Variants in SYNE2 observed in about 807,000 individuals in gnomAD.
The protein encoded by SYNE2 is spectrin repeat containing nuclear envelope protein 2.
A neutral mutation model predicts 856.3 loss-of-function variants in SYNE2; 431 were observed. That is an observed-to-expected ratio of 0.50 (90% CI 0.47 to 0.55). The LOEUF is 0.55. SYNE2 is among the 20% of genes least tolerant of loss of function. The pLI, the probability that SYNE2 is intolerant of heterozygous loss-of-function variation, is 0.00. For synonymous variants in SYNE2, 2,923 were observed against 2,872.3 expected (o/e 1.02, Z -0.56); for missense variants, 8,129 against 8,023.2 (o/e 1.01, Z -0.50).
intron 2 of SYNE2, among the ~76,000 whole-genome samples, chr14:63,926,827 A>G (rs924846703): frequency 2.0e-5 from 3 of 152,238 alleles, no homozygotes; most frequent in Non-Finnish European, 2.9e-5. Flanking sequence ...TAAGTGCTAA[A>G]TAGTGGGGAA....
At chr14:64,092,590 G>T (rs2097633736) in intron 60 of SYNE2, among the ~76,000 whole-genome samples, 1 of 152,180 alleles carries the variant, frequency 6.6e-6, no homozygotes, top group Non-Finnish European at 1.5e-5. Flanking sequence ...TTTCGTGTTG[G>T]CTAGAAACTT....
chr14:63,813,675 A>G (rs1888705843), intron 1 of SYNE2, among the ~76,000 whole-genome samples: 1 of 151,926 alleles, frequency 6.6e-6, no homozygotes, highest in South Asian at 2.1e-4. Context: ...TGTAATCCCA[A>G]CACTTTGGGA....
rs1018261125 is a variant in SYNE2, at chr14:64,208,839, G to C, written c.18283G>C (p.Asp6095His). 6.2e-7 allele frequency: 1 copy of C among 1,614,094 alleles called. No homozygotes were observed. The highest frequency in any genetic ancestry group is 1.1e-5 in the South Asian group (1 of 91,088). Residue 6095 changes from aspartate to histidine, a missense_variant, in exon 101 of 116, where the codon GAT becomes CAT. Asp to His is a moderately conservative substitution (Grantham distance 81, BLOSUM62 -1). This residue lies in a region of SYNE2 where 5,410 missense variants were observed against 5,284.8 expected (regional missense o/e 1.02). Transcript: ENST00000555002. ...NICDVLLHDS[D>H]ACANETECDS... ...CTGTGACGTCCTACTGCACGACTCCGATGCCTGTGCAAATGAGACCGAGTG... is the reference window on the plus strand; with the variant it reads ...CTGTGACGTCCTACTGCACGACTCCCATGCCTGTGCAAATGAGACCGAGTG...
At position 64,219,265 on chromosome 14, in the gene SYNE2, T is replaced by G; in HGVS notation, c.19715T>G (p.Ile6572Arg). The change falls in exon 110 of 116, where the codon ATA becomes AGA. Residue 6572 changes from isoleucine to arginine, a missense_variant. Ile to Arg is a moderately conservative substitution (Grantham distance 97). This residue lies in a region of SYNE2 where 5,410 missense variants were observed against 5,284.8 expected (regional missense o/e 1.02). Transcript: ENST00000555002. Reference protein sequence around the residue: ...QAQELHNKLKIKQNLQQLNSD... With the variant: ...QAQELHNKLKRKQNLQQLNSD... Reference sequence around the variant, plus strand: ...CAGGAGCTTCACAATAAGCTCAAAATAAAACAAAATTTGCAACAGCTGAAC... The same window carrying G: ...CAGGAGCTTCACAATAAGCTCAAAAGAAAACAAAATTTGCAACAGCTGAAC... 6.2e-7 allele frequency: 1 copy of G among 1,613,836 alleles called. No homozygotes were observed. Among genetic ancestry groups the G allele is most frequent in the Non-Finnish European group, 8.5e-7 (1 of 1,179,966 alleles).
chr14:63,946,597 T>C (rs1422315707), intron 6 of SYNE2, among the ~76,000 whole-genome samples: 1 of 147,666 alleles, frequency 6.8e-6, no homozygotes, highest in Non-Finnish European at 1.5e-5. Context: ...ATTATATATA[T>C]ACTGTAATAT....
intron 78 of SYNE2, among the ~76,000 whole-genome samples, chr14:64,136,490 T>C (rs1203263238): frequency 6.6e-6 from 1 of 151,934 alleles, no homozygotes; most frequent in Non-Finnish European, 1.5e-5. Context: ...TTGGTAATGA[T>C]TTAAAAGGCT....
chr14:64,214,400 C>A lies in SYNE2; in HGVS notation c.19263C>A (p.His6421Gln). 6.2e-7 allele frequency: 1 copy of A among 1,614,132 alleles called. No homozygotes were observed. The highest frequency in any genetic ancestry group is 8.5e-7 in the Non-Finnish European group (1 of 1,180,008). Residue 6421 changes from histidine (H) to glutamine (Q), a missense_variant, in exon 106 of 116, where the codon CAC becomes CAA. By Grantham distance (24) the His-to-Gln change is conservative (BLOSUM62 0). Around this residue, in one of 3 missense-constraint regions of SYNE2, gnomAD observed 5,410 missense variants for 5,284.8 expected, o/e 1.02. Transcript: ENST00000555002. Reference sequence around the variant, plus strand: ...ACTCCATCCCCCTGGAGTGGGACCACACAGGCGACGTGGGGGGCTCCTCCT... The same window carrying A: ...ACTCCATCCCCCTGGAGTGGGACCAAACAGGCGACGTGGGGGGCTCCTCCT... Reference protein sequence around the residue: ...SVDSIPLEWDHTGDVGGSSSH... With the variant: ...SVDSIPLEWDQTGDVGGSSSH...
intron 2 of SYNE2, among the ~76,000 whole-genome samples, chr14:63,937,844 T>C (rs77251621): frequency 0.014 from 2,085 of 152,242 alleles, 49 homozygotes; most frequent in African/African-American, 0.047. Context: ...TAATTGATCA[T>C]GGAACTTAAA....
chr14:64,187,483 A>T (rs1305766098), intron 97 of SYNE2, among the ~76,000 whole-genome samples: 1 of 152,228 alleles, frequency 6.6e-6, no homozygotes, highest in Non-Finnish European at 1.5e-5. Flanking sequence ...CTATTATGAA[A>T]TCAATCAGAA....
chr14:63,788,475 G>A (rs902981276), intron 1 of SYNE2, among the ~76,000 whole-genome samples: 1 of 152,140 alleles, frequency 6.6e-6, no homozygotes, highest in African/African-American at 2.4e-5. Flanking sequence ...GCCTGCTCCC[G>A]GCCCACACAA....
intron 99 of SYNE2, chr14:64,190,601 G>A (rs1460729721): frequency 1.4e-6 from 1 of 702,116 alleles, no homozygotes; most frequent in Non-Finnish European, 2.6e-6. Context: ...TCCTGCCTCA[G>A]TATGGCAGAT....
intron 99 of SYNE2, among the ~76,000 whole-genome samples, chr14:64,192,581 A>G (rs1039733707): frequency 4.6e-5 from 7 of 152,242 alleles, no homozygotes; most frequent in Admixed American, 6.5e-5. Context: ...AATAATAGCA[A>G]ATATATTGCC....
At chr14:63,956,516 CTG>C in intron 8 of SYNE2, 1 of 442,818 alleles carries the variant, frequency 2.3e-6, no homozygotes, top group South Asian at 1.6e-5. Flanking sequence ...GACCAGGTGA[CTG>C]TGGATTTGTC....
intron 1 of SYNE2, among the ~76,000 whole-genome samples, chr14:63,863,733 C>T (rs1275835591): frequency 6.6e-6 from 1 of 151,548 alleles, no homozygotes. Flanking sequence ...GATAGTGATT[C>T]AGAAAGAAAA....
intron 1 of SYNE2, among the ~76,000 whole-genome samples, chr14:63,810,437 A>G (rs896841066): frequency 2.0e-5 from 3 of 152,266 alleles, no homozygotes; most frequent in African/African-American, 4.8e-5. Flanking sequence ...TAATAAGATT[A>G]CTTCATCTTC....
chr14:64,187,539 C>A (rs549470610), intron 97 of SYNE2, among the ~76,000 whole-genome samples: 1 of 152,072 alleles, frequency 6.6e-6, no homozygotes, highest in African/African-American at 2.4e-5. Flanking sequence ...AAACAGATGC[C>A]CCGAGGAATG....
chr14:63,976,626 T>C lies in SYNE2; in HGVS notation c.1192T>C (p.Trp398Arg). 6.2e-7 allele frequency: 1 copy of C among 1,613,020 alleles called. No homozygotes were observed. The highest frequency in any genetic ancestry group is 1.1e-5 in the South Asian group (1 of 90,992). Residue 398 changes from tryptophan to arginine, a missense_variant, in exon 12 of 116, where the codon TGG becomes CGG. By Grantham distance (101) the Trp-to-Arg change is moderately radical (BLOSUM62 -3). Transcript: ENST00000555002. ...LPPPLHQTEA[W>R]LQEVEELMDE... Reference sequence around the variant, plus strand: ...CCCACCCCTCCATCAAACTGAAGCTTGGCTCCAGGAGGTAGAAGAGCTTAT... The same window carrying C: ...CCCACCCCTCCATCAAACTGAAGCTCGGCTCCAGGAGGTAGAAGAGCTTAT...
intron 107 of SYNE2, 62 bp downstream of exon 107, chr14:64,215,416 A>C (rs1202108360): frequency 6.6e-7 from 1 of 1,518,714 alleles, no homozygotes; most frequent in Non-Finnish European, 9.1e-7. Context: ...CTGCATCCTC[A>C]ACCTCGCTCC....
At chr14:64,180,400 G>A (rs1200152354) in intron 96 of SYNE2, among the ~76,000 whole-genome samples, 1 of 152,072 alleles carries the variant, frequency 6.6e-6, no homozygotes, top group Non-Finnish European at 1.5e-5. Context: ...TTGAATTTTA[G>A]ATTAACTTGG....
Sources: allele counts gnomAD v4.1 joint callset (sites outside exome capture counted in the v4.1 genomes callset), GRCh38; gene constraint gnomAD v4.1.1; regional missense constraint gnomAD v4.1.1; transcripts MANE v1.5; gene names NCBI Gene and HGNC (gene_info 2026-07-23, HGNC 2026-07-21).